Variants in TAFA4 observed in about 807,000 individuals in gnomAD.
The protein encoded by TAFA4 is chemokine-like protein TAFA-4.
In TAFA4, 20 loss-of-function variants were observed where a neutral mutation model predicts 21.1. That is an observed-to-expected ratio of 0.95 (90% CI 0.67 to 1.38). The LOEUF (loss-of-function observed/expected upper bound fraction) is 1.38, where lower values mean the gene tolerates loss of function less well. TAFA4 is among the 40% of genes most tolerant of loss of function. The pLI, the probability that TAFA4 is intolerant of heterozygous loss-of-function variation, is 0.00. For synonymous variants in TAFA4, 71 were observed against 67.4 expected (o/e 1.05, Z -0.26); for missense variants, 211 against 180.9 (o/e 1.17, Z -0.95).
chr3:68,832,524 G>A (rs1704424181), intron 3 of TAFA4, among the ~76,000 whole-genome samples: 1 of 152,190 alleles, frequency 6.6e-6, no homozygotes, highest in Non-Finnish European at 1.5e-5. Flanking sequence ...CTGCAGAAAA[G>A]CAAATATTGC....
intron 3 of TAFA4, among the ~76,000 whole-genome samples, chr3:68,793,291 A>G (rs573888959): frequency 6.6e-6 from 1 of 152,300 alleles, no homozygotes; most frequent in African/African-American, 2.4e-5. Flanking sequence ...AAATTCCACC[A>G]AGCAGACTGA....
intron 1 of TAFA4, among the ~76,000 whole-genome samples, chr3:68,911,537 G>T (rs2089961905): frequency 1.3e-5 from 2 of 152,166 alleles, no homozygotes; most frequent in African/African-American, 4.8e-5. Context: ...ATTTGCTCAA[G>T]GCCACACAAA....
intron 3 of TAFA4, 136 bp downstream of exon 3, chr3:68,880,594 G>A (rs550803328): frequency 3.5e-5 from 23 of 658,712 alleles, no homozygotes; most frequent in Middle Eastern, 5.9e-4. Flanking sequence ...GTGTTACTCC[G>A]CCATATTTCA....
intron 1 of TAFA4, among the ~76,000 whole-genome samples, chr3:68,892,594 ATTC>A (rs1373501208): frequency 6.6e-6 from 1 of 152,170 alleles, no homozygotes; most frequent in Non-Finnish European, 1.5e-5. Context: ...AAGAAATAAG[ATTC>A]TTCTCCCATT....
chr3:68,889,324 C>T (rs545145575), intron 1 of TAFA4, among the ~76,000 whole-genome samples: 1 of 152,168 alleles, frequency 6.6e-6, no homozygotes, highest in South Asian at 2.1e-4. Flanking sequence ...TTTGAGGTTC[C>T]CAGGCAGAAG....
chr3:68,870,436 T>G (rs907537982), intron 3 of TAFA4, among the ~76,000 whole-genome samples: 2 of 152,142 alleles, frequency 1.3e-5, no homozygotes, highest in East Asian at 3.8e-4. Flanking sequence ...GGCATCACAC[T>G]ACTTGACTTC....
chr3:68,826,492 G>A (rs6779732), intron 3 of TAFA4, among the ~76,000 whole-genome samples: 15,409 of 149,660 alleles, frequency 0.1, 918 homozygotes, highest in African/African-American at 0.16. Flanking sequence ...AGAATGGCGT[G>A]AACCCGGGAG....
chr3:68,827,005 A>T (rs1459122728), intron 3 of TAFA4, among the ~76,000 whole-genome samples: 2 of 152,024 alleles, frequency 1.3e-5, no homozygotes, highest in African/African-American at 4.8e-5. Context: ...CATTTACATT[A>T]GGTATTTCTC....
chr3:68,867,128 G>T (rs1844505), intron 3 of TAFA4, among the ~76,000 whole-genome samples: 103,828 of 151,748 alleles, frequency 0.68, 36,227 homozygotes, highest in East Asian at 0.98. Context: ...CAAAAAAGCA[G>T]ATAATAATCA....
intron 3 of TAFA4, among the ~76,000 whole-genome samples, chr3:68,838,539 C>A (rs1184268800): frequency 1.3e-5 from 2 of 152,200 alleles, no homozygotes; most frequent in Non-Finnish European, 2.9e-5. Context: ...AACAGCCAGG[C>A]ACTGTTCTAG....
intron 3 of TAFA4, among the ~76,000 whole-genome samples, chr3:68,777,502 T>C (rs1258479778): frequency 6.6e-6 from 1 of 152,092 alleles, no homozygotes; most frequent in African/African-American, 2.4e-5. Context: ...AAAATTTAAA[T>C]TTAAGCAGCT....
intron 3 of TAFA4, among the ~76,000 whole-genome samples, chr3:68,763,901 T>A (rs973222303): frequency 1.8e-4 from 15 of 83,112 alleles, no homozygotes; most frequent in African/African-American, 6.3e-4. Context: ...CACATAAGTA[T>A]GCATACACTG....
intron 1 of TAFA4, among the ~76,000 whole-genome samples, chr3:68,888,730 G>C (rs936168272): frequency 6.6e-6 from 1 of 152,074 alleles, no homozygotes; most frequent in African/African-American, 2.4e-5. Flanking sequence ...AAGGGAAAGA[G>C]TGCTCAAGAG....
At chr3:68,825,852 A>C (rs1704216017) in intron 3 of TAFA4, among the ~76,000 whole-genome samples, 1 of 152,204 alleles carries the variant, frequency 6.6e-6, no homozygotes, top group African/African-American at 2.4e-5. Context: ...AACAGTTTAT[A>C]ACCTAAGGGA....
chr3:68,786,983 A>T (rs1703273848), intron 3 of TAFA4, among the ~76,000 whole-genome samples: 1 of 152,190 alleles, frequency 6.6e-6, no homozygotes, highest in African/African-American at 2.4e-5. Flanking sequence ...GTCAGGAAAA[A>T]ATATACAAAG....
chr3:68,802,429 G>C (rs1559525742), intron 3 of TAFA4, among the ~76,000 whole-genome samples: 1 of 151,170 alleles, frequency 6.6e-6, no homozygotes, highest in African/African-American at 2.4e-5. Flanking sequence ...TTAGGGGAAG[G>C]GGGGTTGGCA....
intron 1 of TAFA4, among the ~76,000 whole-genome samples, chr3:68,893,986 A>G (rs1299858378): frequency 2.0e-5 from 3 of 152,180 alleles, no homozygotes. Context: ...TAAACAAAAG[A>G]TATAATTTAA....
intron 1 of TAFA4, among the ~76,000 whole-genome samples, chr3:68,911,705 T>C (rs1444107629): frequency 6.6e-6 from 1 of 152,126 alleles, no homozygotes; most frequent in African/African-American, 2.4e-5. Flanking sequence ...AGGGAGGGGA[T>C]AAGGAGGGAA....
At chr3:68,926,173 G>A (rs1032179117) in intron 1 of TAFA4, among the ~76,000 whole-genome samples, 1 of 150,434 alleles carries the variant, frequency 6.6e-6, no homozygotes, top group East Asian at 2.0e-4. Flanking sequence ...TGGTTGCAGT[G>A]AGCTGAGATC....
Sources: gnomAD v4.1 joint callset for allele counts (sites outside exome capture counted in the v4.1 genomes callset) on GRCh38, gnomAD v4.1.1 for gene constraint, MANE v1.5 for transcripts, NCBI Gene and HGNC (gene_info 2026-07-23, HGNC 2026-07-21) for gene names.